SEMA6D: variants seen among roughly 807,000 people sequenced by gnomAD.
SEMA6D encodes the protein semaphorin-6D.
SEMA6D carries 35 observed loss-of-function variants against 106.6 expected under a neutral mutation model. That is an observed-to-expected ratio of 0.33 (90% confidence interval 0.25 to 0.44). SEMA6D has a LOEUF of 0.44. Ranked by LOEUF, SEMA6D falls within the 20% of genes least tolerant of loss-of-function variation. The probability of loss-of-function intolerance (pLI) is 1.00; values close to 1 mark genes in which losing one functional copy is unlikely to be tolerated. For synonymous variants in SEMA6D, 499 were observed against 487.7 expected, an observed-to-expected ratio of 1.02 and a Z score of -0.31; for missense variants, 1,185 against 1,345.9, an observed-to-expected ratio of 0.88 and a Z score of 1.87.
intron 3 of SEMA6D, among the ~76,000 whole-genome samples, chr15:47,574,470 A>G (rs377466407): frequency 1.4e-4 from 21 of 151,814 alleles, no homozygotes; most frequent in African/African-American, 5.1e-4. Flanking sequence ...AATTGAAACA[A>G]CTCTATTACT....
At chr15:47,726,090 G>C (rs1399150021) in intron 1 of SEMA6D, among the ~76,000 whole-genome samples, 3 of 152,246 alleles carry the variant, frequency 2.0e-5, no homozygotes, top group Non-Finnish European at 4.4e-5. Flanking sequence ...CCCGTTGCTT[G>C]TTGAAGCGAA....
At chr15:47,737,011 T>C (rs905825768) in intron 1 of SEMA6D, among the ~76,000 whole-genome samples, 1 of 152,156 alleles carries the variant, frequency 6.6e-6, no homozygotes, top group African/African-American at 2.4e-5. Flanking sequence ...AAAATAGGAA[T>C]TGCTGTTGCT....
intron 1 of SEMA6D, among the ~76,000 whole-genome samples, chr15:47,314,026 C>T (rs530487624): frequency 1.1e-4 from 16 of 152,308 alleles, no homozygotes; most frequent in African/African-American, 3.8e-4. Context: ...AACTGTCTTT[C>T]AAAGTGGCTG....
At chr15:47,337,627 T>G (rs898679796) in intron 1 of SEMA6D, among the ~76,000 whole-genome samples, 2 of 152,160 alleles carry the variant, frequency 1.3e-5, no homozygotes, top group African/African-American at 4.8e-5. Context: ...GATATGCTCC[T>G]TAGAGTAATA....
chr15:47,644,876 G>GT (rs765761301), intron 4 of SEMA6D, among the ~76,000 whole-genome samples: 1 of 152,132 alleles, frequency 6.6e-6, no homozygotes, highest in South Asian at 2.1e-4. Context: ...AACTATCAGT[G>GT]TTTCTTTTGG....
intron 1 of SEMA6D, among the ~76,000 whole-genome samples, chr15:47,395,401 G>T (rs1419059533): frequency 6.6e-6 from 1 of 152,074 alleles, no homozygotes; most frequent in Non-Finnish European, 1.5e-5. Flanking sequence ...AGCAAGCCCT[G>T]GTTTTCAAAC....
intron 3 of SEMA6D, among the ~76,000 whole-genome samples, chr15:47,549,457 T>C (rs1046465813): frequency 6.6e-6 from 1 of 152,142 alleles, no homozygotes; most frequent in Non-Finnish European, 1.5e-5. Context: ...GTGAAACTGC[T>C]CTCAGGGCAC....
chr15:47,526,814 G>T (rs1175108936), intron 3 of SEMA6D, among the ~76,000 whole-genome samples: 2 of 151,988 alleles, frequency 1.3e-5, no homozygotes, highest in Non-Finnish European at 1.5e-5. Flanking sequence ...TCCGCTAACT[G>T]CAACCTCCGC....
At chr15:47,275,741 G>T (rs1183163069) in intron 1 of SEMA6D, among the ~76,000 whole-genome samples, 1 of 151,934 alleles carries the variant, frequency 6.6e-6, no homozygotes, top group African/African-American at 2.4e-5. Context: ...CCCTACATTG[G>T]CCTCTAAGTA....
chr15:47,372,640 A>G (rs180794663), intron 1 of SEMA6D, among the ~76,000 whole-genome samples: 1 of 152,216 alleles, frequency 6.6e-6, no homozygotes, highest in East Asian at 1.9e-4. Flanking sequence ...GGTAAATGTC[A>G]GTGGAAAATC....
At chr15:47,459,080 T>C (rs1567094110) in intron 2 of SEMA6D, among the ~76,000 whole-genome samples, 1 of 152,032 alleles carries the variant, frequency 6.6e-6, no homozygotes, top group Non-Finnish European at 1.5e-5. Context: ...GGTTTTGTTA[T>C]ATAGCAAAGG....
chr15:47,262,672 T>C (rs977408242), intron 1 of SEMA6D, among the ~76,000 whole-genome samples: 1 of 152,130 alleles, frequency 6.6e-6, no homozygotes, highest in African/African-American at 2.4e-5. Context: ...ACCATTGGCA[T>C]TCTTCACAGA....
At chr15:47,269,293 T>G (rs2034455141) in intron 1 of SEMA6D, among the ~76,000 whole-genome samples, 1 of 152,014 alleles carries the variant, frequency 6.6e-6, no homozygotes, top group South Asian at 2.1e-4. Flanking sequence ...AATCCTATTT[T>G]CAGTGCACCA....
rs1043627666 is a variant in SEMA6D, at chr15:47,771,935, A to G, written c.*150A>G. 2.6e-6 allele frequency: 2 copies of G among 770,714 alleles called. No individual in the cohort carries two copies. The highest frequency in any genetic ancestry group is 4.2e-6 in the Non-Finnish European group (2 of 479,784). The allele number at this position is 770,714 out of a possible 1,614,324, so 47.7% of individuals were successfully genotyped here. On this transcript the variant is annotated 3_prime_UTR_variant, in exon 19 of 19. Coordinates refer to ENST00000536845, the MANE Select transcript of SEMA6D (RefSeq NM_001358351.3). ...TCTTTCTAACTTTGGCAACATCAGA[A>G]CTTGCCACATGTAGCTACTGCAGCA... is the stretch of plus-strand genomic sequence containing the variant.
Position 47,683,782 on chromosome 15 carries a change from C to T in SEMA6D, c.-54-75963C>T, listed in dbSNP as rs150100105. Reference sequence around the variant, plus strand: ...TGAATGATTCCTATTCCCTGGGAGTCCAGGCATTGAGGCCATGGCTGAGTG... The same window carrying T: ...TGAATGATTCCTATTCCCTGGGAGTTCAGGCATTGAGGCCATGGCTGAGTG... On this transcript the variant is annotated intron_variant, in intron 4 of 19. Transcript: ENST00000558014. 6.5e-3 allele frequency among the ~76,000 whole-genome samples: 985 copies of T among 152,266 alleles called. 16 individuals carry two copies. Among genetic ancestry groups the T allele is most frequent in the African/African-American group, 0.022 (919 of 41,564 alleles).
intron 1 of SEMA6D, among the ~76,000 whole-genome samples, chr15:47,194,578 T>A (rs1041480502): frequency 1.3e-5 from 2 of 152,150 alleles, no homozygotes; most frequent in African/African-American, 4.8e-5. Context: ...TAAAGTAACT[T>A]CTTCTTAGCT....
chr15:47,555,240 C>T (rs1390358996), intron 3 of SEMA6D, among the ~76,000 whole-genome samples: 2 of 152,086 alleles, frequency 1.3e-5, no homozygotes, highest in African/African-American at 4.8e-5. Context: ...TGTCCTAATG[C>T]TGCTCTCTCC....
At chr15:47,752,759 A>T (rs900498392) in intron 1 of SEMA6D, among the ~76,000 whole-genome samples, 1 of 152,150 alleles carries the variant, frequency 6.6e-6, no homozygotes, top group East Asian at 1.9e-4. Flanking sequence ...CTGTAATCCC[A>T]GCATTTAGGG....
At chr15:47,529,899 AT>A (rs1566861565) in intron 3 of SEMA6D, among the ~76,000 whole-genome samples, 1 of 152,238 alleles carries the variant, frequency 6.6e-6, no homozygotes, top group Non-Finnish European at 1.5e-5. Flanking sequence ...CCAGGAAGAT[AT>A]TTAAAGCCTT....
Sources: allele counts gnomAD v4.1 joint callset (sites outside exome capture counted in the v4.1 genomes callset), GRCh38; gene constraint gnomAD v4.1.1; transcripts MANE v1.5; gene names NCBI Gene and HGNC (gene_info 2026-07-23, HGNC 2026-07-21).